PTPRD: variants seen among roughly 807,000 people sequenced by gnomAD.
PTPRD encodes receptor-type tyrosine-protein phosphatase delta.
Under a neutral mutation model 214.5 loss-of-function variants are expected in PTPRD, and 34 were observed. The ratio of observed to expected loss-of-function variants is 0.16; its 90% CI spans 0.12 to 0.21. PTPRD has a LOEUF of 0.21. Ranked by LOEUF, PTPRD falls within the 10% of genes least tolerant of loss-of-function variation. The pLI is 1.00. For missense variants in PTPRD, 2,545 were observed against 2,398.7 expected, an observed-to-expected ratio of 1.06 and a Z score of -1.27; for synonymous variants, 1,128 against 845.7, an observed-to-expected ratio of 1.33 and a Z score of -5.79.
intron 2 of PTPRD, among the ~76,000 whole-genome samples, chr9:10,606,135 T>A (rs1041855597): frequency 1.3e-5 from 2 of 151,828 alleles, no homozygotes; most frequent in African/African-American, 4.8e-5. Context: ...TCCAGATGGT[T>A]ATATTGTTAT....
intron 11 of PTPRD, among the ~76,000 whole-genome samples, chr9:8,846,352 C>T (rs978462974): frequency 2.0e-5 from 3 of 151,934 alleles, no homozygotes; most frequent in Non-Finnish European, 4.4e-5. Flanking sequence ...ACTATTGCAC[C>T]GAGCCAGGCC....
chr9:8,618,103 T>G (rs1023874375), intron 14 of PTPRD, among the ~76,000 whole-genome samples: 1 of 152,124 alleles, frequency 6.6e-6, no homozygotes, highest in Admixed American at 6.6e-5. Context: ...CAGTCTTAAT[T>G]TGCAGATGCT....
chr9:8,457,453 A>AT (rs1008904065), intron 33 of PTPRD, among the ~76,000 whole-genome samples: 221 of 151,590 alleles, frequency 1.5e-3, no homozygotes, highest in African/African-American at 5.0e-3. Context: ...AGCCCTGGTG[A>AT]TTTTTTTTTG....
At chr9:10,278,965 G>A (rs1010976685) in intron 3 of PTPRD, among the ~76,000 whole-genome samples, 3 of 151,882 alleles carry the variant, frequency 2.0e-5, no homozygotes, top group Non-Finnish European at 1.5e-5. Flanking sequence ...TAGTAGAGAC[G>A]GGGCTTCACC....
At chr9:9,948,613 C>T (rs184873284) in intron 4 of PTPRD, among the ~76,000 whole-genome samples, 221 of 152,128 alleles carry the variant, frequency 1.5e-3, no homozygotes, top group Non-Finnish European at 2.4e-3. Context: ...TTCTGCAAAA[C>T]CTTTTTTCCC....
At chr9:9,761,314 A>G (rs1256349819) in intron 6 of PTPRD, among the ~76,000 whole-genome samples, 2 of 152,214 alleles carry the variant, frequency 1.3e-5, no homozygotes, top group African/African-American at 4.8e-5. Flanking sequence ...TTTATATATC[A>G]TGTTTAAAAT....
intron 43 of PTPRD, among the ~76,000 whole-genome samples, chr9:8,335,021 A>AG (rs1564030815): frequency 6.6e-6 from 1 of 152,048 alleles, no homozygotes. Context: ...AGTAATTAAT[A>AG]GCCTAGCAAC....
intron 8 of PTPRD, among the ~76,000 whole-genome samples, chr9:9,431,605 G>A (rs1039743116): frequency 2.0e-5 from 3 of 152,054 alleles, no homozygotes; most frequent in Non-Finnish European, 4.4e-5. Flanking sequence ...ACATGCACAC[G>A]TAAGTTTATT....
intron 2 of PTPRD, among the ~76,000 whole-genome samples, chr9:10,389,605 C>T (rs753992674): frequency 2.6e-4 from 39 of 151,740 alleles, no homozygotes; most frequent in Non-Finnish European, 5.5e-4. Context: ...GTATTTATAT[C>T]TGTAATGCAG....
chr9:8,958,543 C>G (rs532901925), intron 11 of PTPRD, among the ~76,000 whole-genome samples: 1 of 151,934 alleles, frequency 6.6e-6, no homozygotes, highest in South Asian at 2.1e-4. Context: ...CATGATAAAC[C>G]CATTATCTAC....
chr9:8,720,809 A>T (rs1391167442), intron 12 of PTPRD, among the ~76,000 whole-genome samples: 1 of 152,114 alleles, frequency 6.6e-6, no homozygotes. Flanking sequence ...CCTGAAGATG[A>T]CTATCAATGA....
At chr9:10,383,256 C>G (rs545345498) in intron 2 of PTPRD, among the ~76,000 whole-genome samples, 1 of 151,844 alleles carries the variant, frequency 6.6e-6, no homozygotes, top group African/African-American at 2.4e-5. Flanking sequence ...TAACTGTTTT[C>G]AAACACTAGT....
rs2135931448 is a variant in PTPRD, at chr9:8,485,961, G to T, written c.2856C>A (p.Thr952=). The change falls in exon 28 of 46, where the codon ACC becomes ACA. Residue 952 remains threonine (T), a synonymous_variant. Transcript: ENST00000381196. ...PVLAERNGII[T]KYTLLYRDIN... ...TATCCCTATAAAGAAGGGTATACTTGGTGATAATGCCATTTCTCTCTGCCA... is the reference window on the plus strand; with the variant it reads ...TATCCCTATAAAGAAGGGTATACTTTGTGATAATGCCATTTCTCTCTGCCA... 1.9e-6 allele frequency: 3 copies of T among 1,614,178 alleles called. No individual in the cohort carries two copies. The highest frequency in any genetic ancestry group is 1.7e-6 in the Non-Finnish European group (2 of 1,180,016).
chr9:8,553,731 T>A (rs1257610341), intron 14 of PTPRD, among the ~76,000 whole-genome samples: 1 of 152,168 alleles, frequency 6.6e-6, no homozygotes, highest in African/African-American at 2.4e-5. Flanking sequence ...TAAAGCCCTA[T>A]AAGAACCTTC....
chr9:9,173,159 A>G (rs1000477438), intron 10 of PTPRD, among the ~76,000 whole-genome samples: 2 of 151,838 alleles, frequency 1.3e-5, no homozygotes, highest in Non-Finnish European at 2.9e-5. Flanking sequence ...TATCTAGAAT[A>G]TTTTCCCCCT....
chr9:8,437,705 A>G (rs1354106980), intron 34 of PTPRD, among the ~76,000 whole-genome samples: 1 of 152,156 alleles, frequency 6.6e-6, no homozygotes, highest in East Asian at 1.9e-4. Flanking sequence ...TCCACTAATG[A>G]GAAATGGATT....
chr9:9,956,664 T>C (rs1046694890), intron 4 of PTPRD, among the ~76,000 whole-genome samples: 1 of 152,082 alleles, frequency 6.6e-6, no homozygotes, highest in Non-Finnish European at 1.5e-5. Flanking sequence ...CATATGTGAA[T>C]GAGACAAGGG....
At chr9:9,451,394 C>A (rs1205406888) in intron 8 of PTPRD, among the ~76,000 whole-genome samples, 1 of 151,602 alleles carries the variant, frequency 6.6e-6, no homozygotes, top group Non-Finnish European at 1.5e-5. Flanking sequence ...ATTTTAATAA[C>A]AAGAATTCAT....
chr9:9,431,709 GA>G (rs1269749329), intron 8 of PTPRD, among the ~76,000 whole-genome samples: 5 of 151,948 alleles, frequency 3.3e-5, no homozygotes, highest in African/African-American at 1.2e-4. Flanking sequence ...ATACACCATG[GA>G]ATACTATGCA....
Sources: allele counts gnomAD v4.1 joint callset (sites outside exome capture counted in the v4.1 genomes callset), GRCh38; gene constraint gnomAD v4.1.1; transcripts MANE v1.5; gene names NCBI Gene and HGNC (gene_info 2026-07-23, HGNC 2026-07-21).